TMC1: variants seen among roughly 807,000 people sequenced by gnomAD.
The protein encoded by TMC1 is transmembrane channel-like protein 1.
Under a neutral mutation model 105.8 loss-of-function variants are expected in TMC1, and 84 were observed. The ratio of observed to expected loss-of-function variants is 0.79; its 90% CI spans 0.67 to 0.95. TMC1 has a LOEUF of 0.95. Ranked by LOEUF, TMC1 falls within the 40% of genes least tolerant of loss-of-function variation. The pLI is 0.00. For missense variants in TMC1, 817 were observed against 914.1 expected, an observed-to-expected ratio of 0.89 and a Z score of 1.37; for synonymous variants, 315 against 311.5, an observed-to-expected ratio of 1.01 and a Z score of -0.12.
At chr9:72,622,934 C>T (rs540065695) in intron 3 of TMC1, among the ~76,000 whole-genome samples, 3 of 151,824 alleles carry the variant, frequency 2.0e-5, no homozygotes, top group Middle Eastern at 3.4e-3. Context: ...TGCCTGTAAT[C>T]CCAGCTACTC....
chr9:72,595,269 C>T (rs1446932666), intron 2 of TMC1, among the ~76,000 whole-genome samples: 1 of 152,168 alleles, frequency 6.6e-6, no homozygotes, highest in East Asian at 1.9e-4. Flanking sequence ...CTGGTGTCCT[C>T]ACTAGACAGA....
Position 72,681,374 on chromosome 9 carries a change from T to C in TMC1, c.17-7335T>C, listed in dbSNP as rs1455620368. Among the ~76,000 whole-genome samples the C allele has an allele frequency of 2.6e-5, 4 of 152,178 alleles. No individual in the cohort carries two copies. In the East Asian group the frequency reaches 7.7e-4, roughly 29 times the overall value. On this transcript the variant is annotated intron_variant, in intron 5 of 23. Coordinates refer to ENST00000297784, the MANE Select transcript of TMC1 (RefSeq NM_138691.3). ...AAATGTCTTTGTAAATAGCTATTTA[T>C]TTATTGAATATGTATAGTTTTTTTT...
rs753598002 is a variant in TMC1 at position 72,601,169 on chromosome 9, T to TACAC, written c.-305-15177_-305-15174dup. Among the ~76,000 whole-genome samples, 351 of 148,384 alleles carry TACAC rather than the reference T, an allele frequency of 2.4e-3. 1 individual carries two copies. Among genetic ancestry groups the TACAC allele is most frequent in the African/African-American group, 7.3e-3 (292 of 39,996 alleles). On this transcript the variant is annotated intron_variant, in intron 2 of 23. Coordinates refer to ENST00000297784, the MANE Select transcript of TMC1 (RefSeq NM_138691.3). ...AGGCAACATAGCAAGACACTGTTTC[T>TACAC]ACACACACACACACACACACACACA...
At chr9:72,673,740 G>GTAGC (rs1826160416) in intron 5 of TMC1, among the ~76,000 whole-genome samples, 1 of 152,148 alleles carries the variant, frequency 6.6e-6, no homozygotes. Context: ...GATAATCTTA[G>GTAGC]TAGCTGTATA....
intron 6 of TMC1, among the ~76,000 whole-genome samples, chr9:72,690,664 C>T (rs1324670576): frequency 6.6e-6 from 1 of 152,078 alleles, no homozygotes; most frequent in Non-Finnish European, 1.5e-5. Context: ...TTCTTCTGGC[C>T]TGCATAATTT....
intron 7 of TMC1, among the ~76,000 whole-genome samples, chr9:72,696,534 C>G (rs2793152): frequency 0.52 from 78,500 of 151,824 alleles, 21,761 homozygotes; most frequent in African/African-American, 0.74. Context: ...AGATTAGTAG[C>G]CAAATCAGGG....
chr9:72,773,857 A>G (rs1827968687), intron 13 of TMC1, among the ~76,000 whole-genome samples: 1 of 152,102 alleles, frequency 6.6e-6, no homozygotes, highest in Non-Finnish European at 1.5e-5. Context: ...TCCCAGCTCT[A>G]CCATGTATGT....
chr9:72,645,484 C>A (rs1245543057), intron 4 of TMC1, among the ~76,000 whole-genome samples: 1 of 152,126 alleles, frequency 6.6e-6, no homozygotes, highest in Non-Finnish European at 1.5e-5. Flanking sequence ...TAAGAGCAGA[C>A]CAGTCAAGAG....
At chr9:72,786,860 C>T (rs1828175888) in intron 13 of TMC1, among the ~76,000 whole-genome samples, 1 of 152,158 alleles carries the variant, frequency 6.6e-6, no homozygotes, top group Non-Finnish European at 1.5e-5. Context: ...TGATAAAACT[C>T]CATTCAAAAC....
intron 5 of TMC1, among the ~76,000 whole-genome samples, chr9:72,652,669 G>T (rs1825831581): frequency 6.6e-6 from 1 of 152,212 alleles, no homozygotes; most frequent in African/African-American, 2.4e-5. Context: ...AAATGTAATT[G>T]TATTGAGAGC....
At position 72,791,982 on chromosome 9, in the gene TMC1, T is replaced by C. The variant is rs1828277490; in HGVS notation, c.1321T>C (p.Trp441Arg). 6.2e-7 allele frequency: 1 copy of C among 1,614,016 alleles called. No homozygotes were observed. The highest frequency in any genetic ancestry group is 1.3e-5 in the African/African-American group (1 of 74,930). Residue 441 changes from tryptophan to arginine, a missense_variant, in exon 16 of 24, where the codon TGG becomes CGG. Coordinates refer to ENST00000297784, the MANE Select transcript of TMC1 (RefSeq NM_138691.3). Reference protein sequence around the residue: ...EDYHPLIALKWLLGRIFALLL... With the variant: ...EDYHPLIALKRLLGRIFALLL... ...CTACCATCCTCTCATCGCTTTGAAA[T>C]GGCTACTGGGACGCATTTTTGCTCT...
chr9:72,613,757 C>T (rs555915897), intron 2 of TMC1, among the ~76,000 whole-genome samples: 2 of 151,686 alleles, frequency 1.3e-5, no homozygotes, highest in East Asian at 1.9e-4. Context: ...TGTGTGTGTG[C>T]GTGTTGTGGG....
At chr9:72,747,089 C>T (rs927744252) in intron 10 of TMC1, among the ~76,000 whole-genome samples, 2 of 152,126 alleles carry the variant, frequency 1.3e-5, no homozygotes, top group Non-Finnish European at 2.9e-5. Context: ...CTACTTTTTC[C>T]TAATAGTAGA....
intron 8 of TMC1, among the ~76,000 whole-genome samples, chr9:72,725,925 C>T (rs1006497084): frequency 2.6e-5 from 4 of 151,938 alleles, no homozygotes; most frequent in Admixed American, 6.6e-5. Context: ...CTCCTGACCT[C>T]GTGATCCACC....
intron 5 of TMC1, 73 bp downstream of exon 5, chr9:72,648,737 G>C: frequency 7.1e-7 from 1 of 1,407,522 alleles, no homozygotes; most frequent in Non-Finnish European, 1.0e-6. Flanking sequence ...TGAAAACTTT[G>C]GAAAGTTTGT....
intron 1 of TMC1, among the ~76,000 whole-genome samples, chr9:72,547,627 A>G (rs1823794077): frequency 6.6e-6 from 1 of 152,156 alleles, no homozygotes; most frequent in East Asian, 1.9e-4. Flanking sequence ...CTTTCTTTCA[A>G]ATTTGCTGTT....
intron 2 of TMC1, among the ~76,000 whole-genome samples, chr9:72,614,354 G>C (rs1033526044): frequency 6.6e-6 from 1 of 152,168 alleles, no homozygotes; most frequent in Non-Finnish European, 1.5e-5. Flanking sequence ...GGTCCATAAA[G>C]ATGAGATAAA....
At chr9:72,578,265 CGTGTGT>C (rs67476636) in intron 2 of TMC1, 4,792 of 147,710 alleles carry the variant, frequency 0.032, 94 homozygotes, top group Non-Finnish European at 0.04. Flanking sequence ...CGCGCGCACG[CGTGTGT>C]GTGTGTGTGT....
chr9:72,784,410 A>AAAAC (rs139056601), intron 13 of TMC1, among the ~76,000 whole-genome samples: 86 of 151,588 alleles, frequency 5.7e-4, no homozygotes, highest in African/African-American at 1.5e-3. Context: ...ACTATTGTTA[A>AAAAC]AAACAAACAA....
Sources: allele counts gnomAD v4.1 joint callset (sites outside exome capture counted in the v4.1 genomes callset), GRCh38; gene constraint gnomAD v4.1.1; transcripts MANE v1.5; gene names NCBI Gene and HGNC (gene_info 2026-07-23, HGNC 2026-07-21).